The following DMD variants were observed in gnomAD, a reference collection of about 807,000 sequenced individuals.
DMD encodes mutant dystrophin.
Under a neutral mutation model 330.1 loss-of-function variants are expected in DMD, and 63 were observed. The ratio of observed to expected loss-of-function variants is 0.19; its 90% CI spans 0.16 to 0.24. The LOEUF is 0.24. Among genes scored for constraint, DMD ranks in the 10% least tolerant of loss-of-function variants. The probability of loss-of-function intolerance (pLI) is 1.00; values close to 1 mark genes in which losing one functional copy is unlikely to be tolerated. For missense variants in DMD, 3,344 were observed against 2,684.1 expected (o/e 1.25, Z -5.43); for synonymous variants, 1,223 against 959.8 (o/e 1.27, Z -5.07).
rs554243808 is a variant in DMD at position 33,113,054 on chromosome X, C to CT, written c.32-92855dup. Among the ~76,000 whole-genome samples, 265 of 94,044 alleles carry CT rather than the reference C, an allele frequency of 2.8e-3. 3 individuals carry two copies. The highest frequency in any genetic ancestry group is 7.8e-3 in the African/African-American group (207 of 26,561). The allele number at this position is 94,044 out of a possible 115,157, so 81.7% of individuals were successfully genotyped here. ...TTAGCAATTTCAAGGCTAAACATTACTTTTTTTTTTTTTTTTGAGATGGAA... is the reference window on the plus strand; with the variant it reads ...TTAGCAATTTCAAGGCTAAACATTACTTTTTTTTTTTTTTTTTGAGATGGAA... On this transcript the variant is annotated intron_variant, in intron 1 of 78. Coordinates refer to ENST00000357033, the MANE Select transcript of DMD (RefSeq NM_004006.3).
intron 59 of DMD, among the ~76,000 whole-genome samples, chrX:31,466,384 T>C (rs1056057792): frequency 8.9e-6 from 1 of 112,255 alleles, no homozygotes; most frequent in Non-Finnish European, 1.9e-5. Context: ...TTTCTGTAGA[T>C]GGCTAGCCGG....
At chrX:32,685,952 A>ATC (rs771336638) in intron 9 of DMD, among the ~76,000 whole-genome samples, 2 of 112,036 alleles carry the variant, frequency 1.8e-5, no homozygotes, top group South Asian at 7.3e-4. Flanking sequence ...TAAATAAGGT[A>ATC]TCTCTTCAAA....
rs189007411 is a variant in DMD, at chrX:31,441,917, A to G, written c.9084+2564T>C. 3.8e-4 allele frequency among the ~76,000 whole-genome samples: 43 copies of G among 112,210 alleles called. No homozygotes were observed. The South Asian group carries it at 5.2e-3, about 14-fold the overall frequency. ...ACTTGACTCGGTTATATGCAAACCA[A>G]AACCTTGGATTTATCAGCTTTCTGC... On this transcript the variant is annotated intron_variant, in intron 60 of 78. Coordinates refer to ENST00000357033, the MANE Select transcript of DMD (RefSeq NM_004006.3).
chrX:32,563,217 G>A (rs765330268), intron 16 of DMD, among the ~76,000 whole-genome samples: 1 of 108,111 alleles, frequency 9.2e-6, no homozygotes, highest in African/African-American at 3.4e-5. Flanking sequence ...GTAGGCACCT[G>A]TAGTCCCAGC....
At chrX:32,575,927 A>G (rs7878971) in intron 13 of DMD, among the ~76,000 whole-genome samples, 14,161 of 111,884 alleles carry the variant, frequency 0.13, 2,216 homozygotes, top group African/African-American at 0.44. Flanking sequence ...GCTACAAGAC[A>G]TATAGTATCC....
chrX:33,205,559 G>A (rs2148843935), intron 1 of DMD, among the ~76,000 whole-genome samples: 1 of 111,903 alleles, frequency 8.9e-6, no homozygotes, highest in Non-Finnish European at 1.9e-5. Flanking sequence ...ATGAGTGCCA[G>A]GAATGAGAAA....
At chrX:32,610,203 CAGAA>C (rs2057057353) in intron 12 of DMD, among the ~76,000 whole-genome samples, 1 of 110,869 alleles carries the variant, frequency 9.0e-6, no homozygotes, top group African/African-American at 3.3e-5. Context: ...GTTTACTCCC[CAGAA>C]AGACTCACTC....
intron 29 of DMD, among the ~76,000 whole-genome samples, chrX:32,433,301 G>T (rs1267656198): frequency 1.8e-5 from 2 of 112,077 alleles, no homozygotes; most frequent in Non-Finnish European, 3.8e-5. Flanking sequence ...GGCTTCAAGT[G>T]TAAAGAGATG....
chrX:32,323,919 A>T (rs182363123), intron 41 of DMD, among the ~76,000 whole-genome samples: 1 of 111,689 alleles, frequency 9.0e-6, no homozygotes, highest in Non-Finnish European at 1.9e-5. Context: ...TATCATTTTT[A>T]TATCTTCATA....
intron 49 of DMD, among the ~76,000 whole-genome samples, chrX:31,828,457 A>G (rs889283228): frequency 1.2e-4 from 13 of 110,217 alleles, no homozygotes; most frequent in Non-Finnish European, 2.5e-4. Context: ...CTAGGTCAGG[A>G]GTTCGAGACC....
intron 54 of DMD, among the ~76,000 whole-genome samples, chrX:31,637,751 T>C (rs760510634): frequency 1.8e-5 from 2 of 111,764 alleles, no homozygotes; most frequent in South Asian, 7.3e-4. Context: ...AATTTATATT[T>C]ATATAGAATT....
chrX:33,257,575 T>C (rs2052879301), intron 1 of DMD, among the ~76,000 whole-genome samples: 2 of 111,265 alleles, frequency 1.8e-5, no homozygotes, highest in Admixed American at 1.9e-4. Flanking sequence ...ATTATGATAA[T>C]TTGCTGTTTT....
At chrX:32,662,784 A>C (rs1484868867) in intron 9 of DMD, among the ~76,000 whole-genome samples, 1 of 111,896 alleles carries the variant, frequency 8.9e-6, no homozygotes, top group Non-Finnish European at 1.9e-5. Context: ...TAAACAAATA[A>C]ATTTGCTCCT....
chrX:32,622,380 T>C (rs1221423308), intron 11 of DMD, among the ~76,000 whole-genome samples: 1 of 112,040 alleles, frequency 8.9e-6, no homozygotes, highest in Non-Finnish European at 1.9e-5. Flanking sequence ...GAGAAAATAT[T>C]TCTTTTCCTT....
intron 54 of DMD, among the ~76,000 whole-genome samples, chrX:31,636,199 G>A (rs2079403505): frequency 9.0e-6 from 1 of 111,083 alleles, no homozygotes; most frequent in Non-Finnish European, 1.9e-5. Context: ...GGAGTGGGGA[G>A]GGTGGGAGGA....
At chrX:32,177,899 T>C (rs2096911851) in intron 44 of DMD, among the ~76,000 whole-genome samples, 2 of 111,109 alleles carry the variant, frequency 1.8e-5, no homozygotes, top group Non-Finnish European at 3.8e-5. Context: ...AGATTATAAA[T>C]GCTTTGAGAA....
chrX:32,508,607 A>C (rs1263337880), intron 18 of DMD, among the ~76,000 whole-genome samples: 1 of 110,856 alleles, frequency 9.0e-6, no homozygotes. Context: ...GATACCTACC[A>C]TGTGGGACTT....
rs763005667 is a variant in DMD at position 32,872,053 on chromosome X, C to A, written c.94-22233G>T. Among the ~76,000 whole-genome samples, 3 of 111,131 alleles carry A rather than the reference C, an allele frequency of 2.7e-5. No individual in the cohort carries two copies. In the East Asian group the frequency reaches 8.6e-4, roughly 32 times the overall value. ...ATGATATCCAAGGGCTTGACTGGAT[C>A]CCAGTCATCGTTGGTGGTGACATGG... On this transcript the variant is annotated intron_variant, in intron 2 of 78. Transcript: ENST00000357033.
At chrX:32,487,890 GGTAATATTCT>G (rs1194485910) in intron 20 of DMD, among the ~76,000 whole-genome samples, 1 of 111,164 alleles carries the variant, frequency 9.0e-6, no homozygotes, top group African/African-American at 3.3e-5. Flanking sequence ...AGAGGTAAAG[GGTAATATTCT>G]GTATTTATAG....
Sources: allele counts gnomAD v4.1 joint callset (sites outside exome capture counted in the v4.1 genomes callset), GRCh38; gene constraint gnomAD v4.1.1; transcripts MANE v1.5; gene names NCBI Gene and HGNC (gene_info 2026-07-23, HGNC 2026-07-21).